The following CFAP20DC variants were observed in gnomAD, a reference collection of about 807,000 sequenced individuals.
CFAP20DC encodes the protein protein CFAP20DC.
CFAP20DC carries 84 observed loss-of-function variants against 101.7 expected under a neutral mutation model. That is an observed-to-expected ratio of 0.83 (90% CI 0.69 to 0.99). CFAP20DC has a LOEUF of 0.99. CFAP20DC is among the 50% of genes least tolerant of loss of function. The pLI, the probability that CFAP20DC is intolerant of heterozygous loss-of-function variation, is 0.00. For missense variants in CFAP20DC, 1,007 were observed against 970.3 expected, an observed-to-expected ratio of 1.04 and a Z score of -0.50; for synonymous variants, 359 against 351.2, an observed-to-expected ratio of 1.02 and a Z score of -0.25.
intron 15 of CFAP20DC, among the ~76,000 whole-genome samples, chr3:58,798,786 A>T (rs2073445542): frequency 6.6e-6 from 1 of 152,234 alleles, no homozygotes; most frequent in Non-Finnish European, 1.5e-5. Flanking sequence ...CTGATCATTC[A>T]GCAGCCATCA....
chr3:58,922,516 A>G (rs2085497981), intron 5 of CFAP20DC, among the ~76,000 whole-genome samples: 1 of 152,162 alleles, frequency 6.6e-6, no homozygotes, highest in African/African-American at 2.4e-5. Context: ...TCTCACTCTT[A>G]GTTCTCATGA....
chr3:58,774,692 G>C (rs753593049), intron 15 of CFAP20DC, among the ~76,000 whole-genome samples: 2 of 152,194 alleles, frequency 1.3e-5, no homozygotes, highest in South Asian at 2.1e-4. Flanking sequence ...AATGTGAAGT[G>C]CATCTATATA....
At chr3:58,993,419 C>CT (rs940307868) in intron 4 of CFAP20DC, among the ~76,000 whole-genome samples, 40 of 149,024 alleles carry the variant, frequency 2.7e-4, no homozygotes, top group East Asian at 2.0e-4. Context: ...TGGTGAATTT[C>CT]TTTTTTTTTT....
intron 3 of CFAP20DC, among the ~76,000 whole-genome samples, chr3:58,725,034 T>C (rs889099413): frequency 6.6e-6 from 1 of 152,200 alleles, no homozygotes. Context: ...TTAATGACAA[T>C]TATGGCAATA....
chr3:58,733,346 A>G (rs900404377), intron 3 of CFAP20DC, among the ~76,000 whole-genome samples: 1 of 150,732 alleles, frequency 6.6e-6, no homozygotes, highest in Non-Finnish European at 1.5e-5. Flanking sequence ...CTAAAACTTA[A>G]AGTATAATAA....
chr3:58,780,630 C>T (rs2071744934), intron 15 of CFAP20DC, among the ~76,000 whole-genome samples: 3 of 151,818 alleles, frequency 2.0e-5, no homozygotes, highest in Non-Finnish European at 1.5e-5. Context: ...CAAAAGTAAG[C>T]AGGATTAGCT....
chr3:58,950,013 T>C (rs1490682514), intron 4 of CFAP20DC, among the ~76,000 whole-genome samples: 1 of 152,228 alleles, frequency 6.6e-6, no homozygotes, highest in Non-Finnish European at 1.5e-5. Context: ...ATTGTATATC[T>C]AGAAAACCCC....
Position 59,047,194 on chromosome 3 carries a change from T to A in CFAP20DC, c.82A>T (p.Ile28Phe). 5.2e-6 allele frequency: 8 copies of A among 1,535,344 alleles called. No homozygotes were observed. The highest frequency in any genetic ancestry group is 7.0e-6 in the Non-Finnish European group (8 of 1,146,254). The change falls in exon 2 of 17, where the codon ATC becomes TTC. Residue 28 changes from isoleucine (I) to phenylalanine (F), a missense_variant. Transcript: ENST00000482387. ...QGKNPGAKWKILGSPSVIWKE... is the reference protein window; with the variant it reads ...QGKNPGAKWKFLGSPSVIWKE... ...CAAATCACAGATGGACTACCAAGGATCTTCCATTTTGCTCCAGGATTTTTT... is the reference window on the plus strand; with the variant it reads ...CAAATCACAGATGGACTACCAAGGAACTTCCATTTTGCTCCAGGATTTTTT...
downstream of CFAP20DC, chr3:58,737,368 A>G (rs888170855): frequency 2.6e-5 from 10 of 384,066 alleles, no homozygotes; most frequent in South Asian, 7.9e-5. This position sits in a 1 kb window ranked among gnomAD's most constrained non-coding sequence, Gnocchi z 4.1. Context: ...AAGCAAGCAA[A>G]CAAACAAACA....
In CFAP20DC at chr3:58,911,075, A is replaced by G. The variant is rs1278218135; in HGVS notation, c.550+2633T>C. Among the ~76,000 whole-genome samples, 5 of 152,144 alleles carry G rather than the reference A, an allele frequency of 3.3e-5. No individual in the cohort carries two copies. The East Asian group carries it at 9.6e-4, about 29-fold the overall frequency. ...AATGGAAACTATAAAAAAGAACCAA[A>G]TGCAAATTCTAGAATCAAAAAATAT... On this transcript the variant is annotated intron_variant, in intron 6 of 16. Coordinates refer to ENST00000482387, the MANE Select transcript of CFAP20DC (RefSeq NM_001394063.1).
chr3:58,736,200 A>G (rs2067750843), intron 3 of CFAP20DC, among the ~76,000 whole-genome samples: 1 of 152,236 alleles, frequency 6.6e-6, no homozygotes, highest in Non-Finnish European at 1.5e-5. Context: ...TTAACCCACA[A>G]GAAGATGCTA....
intron 4 of CFAP20DC, among the ~76,000 whole-genome samples, chr3:58,970,892 A>G (rs774040025): frequency 1.1e-4 from 16 of 152,194 alleles, no homozygotes; most frequent in Non-Finnish European, 2.4e-4. Flanking sequence ...AAGATCATCT[A>G]TTTTCAAGTA....
intron 4 of CFAP20DC, among the ~76,000 whole-genome samples, chr3:59,037,719 G>A (rs1012539158): frequency 7.9e-5 from 12 of 152,088 alleles, no homozygotes; most frequent in Non-Finnish European, 1.6e-4. Flanking sequence ...TAAATGTGGC[G>A]ATTCCTCAAG....
At chr3:58,825,234 A>G (rs1353590902) in intron 14 of CFAP20DC, among the ~76,000 whole-genome samples, 1 of 152,164 alleles carries the variant, frequency 6.6e-6, no homozygotes, top group African/African-American at 2.4e-5. Context: ...AAAATGTCCT[A>G]GAAATTCTGT....
chr3:58,859,705 A>G lies in CFAP20DC; in HGVS notation c.1593+3853T>C, dbSNP rs904214652. On this transcript the variant is annotated intron_variant, in intron 12 of 16. Transcript: ENST00000482387. The surrounding 1 kb of genome is among the most constrained non-coding windows in gnomAD (Gnocchi z 4.1). ...TACAGAATATGTTATGTTCTAATTC[A>G]TAATACATAGGAATAAAAATGCAAG... 1.3e-5 allele frequency among the ~76,000 whole-genome samples: 2 copies of G among 152,210 alleles called. No individual in the cohort carries two copies. The highest frequency in any genetic ancestry group is 2.9e-5 in the Non-Finnish European group (2 of 68,034).
At chr3:58,875,958 C>T (rs1216505432) in intron 7 of CFAP20DC, among the ~76,000 whole-genome samples, 6 of 152,046 alleles carry the variant, frequency 3.9e-5, no homozygotes, top group Admixed American at 1.3e-4. Context: ...CACCCACACC[C>T]GATATGCTAT....
At position 58,732,348 on chromosome 3, in the gene CFAP20DC, T is replaced by A. The variant is rs1423406567; in HGVS notation, c.198-14720A>T. Among the ~76,000 whole-genome samples the A allele has an allele frequency of 6.6e-6, 1 of 152,206 alleles. No homozygotes were observed. The highest frequency in any genetic ancestry group is 1.9e-4 in the East Asian group (1 of 5,206). ...TTTTTAAAAACTACTGAGCTTTGCA[T>A]AGAAACCTAAGTAGTACTTGTTATG... is the stretch of plus-strand genomic sequence containing the variant. On this transcript the variant is annotated intron_variant, in intron 3 of 3. Transcript: ENST00000486145. This position sits in a 1 kb window ranked among gnomAD's most constrained non-coding sequence, Gnocchi z 5.4.
At chr3:58,776,338 G>C (rs1170531326) in intron 15 of CFAP20DC, among the ~76,000 whole-genome samples, 1 of 152,062 alleles carries the variant, frequency 6.6e-6, no homozygotes, top group Non-Finnish European at 1.5e-5. Flanking sequence ...CTAAAAGTAG[G>C]ACATAGATTT....
At chr3:59,017,346 T>A (rs890333918) in intron 4 of CFAP20DC, 1 of 152,060 alleles carries the variant, frequency 6.6e-6, no homozygotes, top group African/African-American at 2.4e-5. Context: ...TCCCGTGACA[T>A]CCCAAAAAAC....
Sources: allele counts gnomAD v4.1 joint callset (sites outside exome capture counted in the v4.1 genomes callset), GRCh38; gene constraint gnomAD v4.1.1; non-coding constraint Gnocchi (gnomAD v3.1); transcripts MANE v1.5; gene names NCBI Gene and HGNC (gene_info 2026-07-23, HGNC 2026-07-21).